Variants in PHF14 observed in about 807,000 individuals in gnomAD.
PHF14 encodes the protein PHD finger protein 14.
A neutral mutation model predicts 117.9 loss-of-function variants in PHF14; 55 were observed. The observed-to-expected ratio is 0.47, with a 90% CI of 0.38 to 0.58. The LOEUF is 0.58. Among genes scored for constraint, PHF14 ranks in the 20% least tolerant of loss-of-function variants. The pLI, the probability that PHF14 is intolerant of heterozygous loss-of-function variation, is 0.00. For missense variants in PHF14, 978 were observed against 1,122.2 expected, an observed-to-expected ratio of 0.87 and a Z score of 1.84; for synonymous variants, 409 against 368.6, an observed-to-expected ratio of 1.11 and a Z score of -1.26.
intron 7 of PHF14, among the ~76,000 whole-genome samples, chr7:11,032,222 A>G (rs779168267): frequency 6.6e-6 from 1 of 152,182 alleles, no homozygotes; most frequent in Non-Finnish European, 1.5e-5. Context: ...TAGAGCATAT[A>G]TGGCTGAGGT....
chr7:11,102,551 A>G (rs1787128540), intron 16 of PHF14: 2 of 1,610,056 alleles, frequency 1.2e-6, no homozygotes, highest in Non-Finnish European at 1.7e-6. Context: ...AACCTCTTTT[A>G]TAAGTGTGAT....
At chr7:10,977,873 T>A (rs1781920204) in intron 2 of PHF14, among the ~76,000 whole-genome samples, 3 of 152,200 alleles carry the variant, frequency 2.0e-5, no homozygotes, top group Admixed American at 2.0e-4. Context: ...ATTTGAGACT[T>A]GGGCATAGGG....
Position 11,061,992 on chromosome 7 carries a change from G to C in PHF14, c.2561G>C (p.Arg854Thr). The C allele has an allele frequency of 6.2e-7, 1 of 1,602,754 alleles. No homozygotes were observed. The highest frequency in any genetic ancestry group is 8.5e-7 in the Non-Finnish European group (1 of 1,173,846). Residue 854 changes from arginine to threonine, a missense_variant, in exon 16 of 18, where the codon AGA becomes ACA. Arg to Thr is a moderately conservative substitution (Grantham distance 71). Coordinates refer to ENST00000634607, the MANE Select transcript of PHF14 (RefSeq NM_001007157.2). Reference protein sequence around the residue: ...EERVPRERRQRQSVLQKKPKA... With the variant: ...EERVPRERRQTQSVLQKKPKA... Reference sequence around the variant, plus strand: ...AGAGTTCCTAGAGAGAGAAGACAAAGACAGTCTGTGTTGCAAAAGAAGCCC... The same window carrying C: ...AGAGTTCCTAGAGAGAGAAGACAAACACAGTCTGTGTTGCAAAAGAAGCCC...
At chr7:11,118,033 G>T (rs1787649134) in intron 17 of PHF14, among the ~76,000 whole-genome samples, 1 of 151,674 alleles carries the variant, frequency 6.6e-6, no homozygotes. Flanking sequence ...TACTCTTCTA[G>T]CGTTTGTGGG....
At chr7:11,149,080 C>T (rs1477991390) in intron 17 of PHF14, among the ~76,000 whole-genome samples, 2 of 151,680 alleles carry the variant, frequency 1.3e-5, no homozygotes, top group East Asian at 3.9e-4. Flanking sequence ...ATATGCCTTT[C>T]ACAGAGTCAA....
At chr7:11,029,628 T>A (rs1481003552) in intron 7 of PHF14, among the ~76,000 whole-genome samples, 1 of 152,132 alleles carries the variant, frequency 6.6e-6, no homozygotes, top group African/African-American at 2.4e-5. Context: ...TAAAATAAAT[T>A]AATGAATATT....
intron 16 of PHF14, among the ~76,000 whole-genome samples, chr7:11,092,494 T>C (rs1336003743): frequency 6.6e-6 from 1 of 152,154 alleles, no homozygotes; most frequent in Non-Finnish European, 1.5e-5. Flanking sequence ...TACAAAAATA[T>C]CACCTATAGA....
intron 17 of PHF14, among the ~76,000 whole-genome samples, chr7:11,153,262 C>A (rs1005549891): frequency 2.0e-5 from 3 of 151,960 alleles, no homozygotes; most frequent in Admixed American, 1.3e-4. Flanking sequence ...ATTTTAGATA[C>A]CCTTGGGTGA....
At chr7:11,031,945 G>A (rs1291033751) in intron 7 of PHF14, among the ~76,000 whole-genome samples, 1 of 152,048 alleles carries the variant, frequency 6.6e-6, no homozygotes, top group Non-Finnish European at 1.5e-5. Context: ...ACTCTGTTCT[G>A]TAGAAAATTA....
intron 17 of PHF14, among the ~76,000 whole-genome samples, chr7:11,161,975 A>G (rs1169451329): frequency 6.7e-6 from 1 of 149,496 alleles, no homozygotes; most frequent in African/African-American, 2.4e-5. Flanking sequence ...CGTCAGGGTT[A>G]TCAAACATAC....
At chr7:11,160,098 T>C (rs113449540) in intron 17 of PHF14, among the ~76,000 whole-genome samples, 5 of 152,260 alleles carry the variant, frequency 3.3e-5, no homozygotes, top group African/African-American at 9.6e-5. Flanking sequence ...CTCCAGTGTC[T>C]ATTATTGCCA....
chr7:11,025,219 G>C (rs920667171), intron 6 of PHF14, among the ~76,000 whole-genome samples: 24 of 152,188 alleles, frequency 1.6e-4, no homozygotes, highest in African/African-American at 9.7e-5. Flanking sequence ...AATTTGAACA[G>C]ATGAGAAGTT....
rs774597453 is a variant in PHF14, at chr7:10,983,111, G to A, written c.852G>A (p.Glu284=). The A allele has an allele frequency of 1.1e-5, 17 of 1,599,222 alleles. No individual in the cohort carries two copies. Among genetic ancestry groups the A allele is most frequent in the Non-Finnish European group, 1.4e-5 (16 of 1,179,580 alleles). ...TTAGCAGAAACAGTGCTGATGATGA[G>A]GAACTGACCAATGATAGCCTGACCC... ...KVLSRNSADD[E]ELTNDSLTLS... Residue 284 remains glutamate (E), a synonymous_variant, in exon 3 of 18, where the codon GAG becomes GAA. Transcript: ENST00000634607.
intron 17 of PHF14, among the ~76,000 whole-genome samples, chr7:11,132,200 C>A (rs1215941864): frequency 6.6e-6 from 1 of 151,658 alleles, no homozygotes; most frequent in African/African-American, 2.4e-5. Context: ...TATCTCTAGA[C>A]CTTTTTCATC....
intron 16 of PHF14, chr7:11,105,709 G>C: frequency 1.0e-6 from 1 of 984,646 alleles, no homozygotes; most frequent in South Asian, 4.7e-5. Context: ...CTCTATAAAA[G>C]TGGAAGCCTC....
At chr7:11,101,883 T>G (rs1006150941) in intron 16 of PHF14, among the ~76,000 whole-genome samples, 15 of 151,800 alleles carry the variant, frequency 9.9e-5, no homozygotes, top group African/African-American at 3.6e-4. Context: ...CTAAAATTTC[T>G]CCACTGAAAA....
chr7:11,086,024 C>T (rs2906561), intron 16 of PHF14, among the ~76,000 whole-genome samples: 77,693 of 151,824 alleles, frequency 0.51, 20,699 homozygotes, highest in East Asian at 0.85. Context: ...ATCTGTAAAC[C>T]GAGGATAATA....
rs572946478 is a variant in PHF14 at position 11,030,434 on chromosome 7, A to G, written c.1455+1616A>G. On this transcript the variant is annotated intron_variant, in intron 7 of 17. Transcript: ENST00000634607. ...AGTTTGGATTCCTTTGCACAGCATC[A>G]TATGTCATCATTTTTGGCAAGATGG... 7.2e-5 allele frequency among the ~76,000 whole-genome samples: 11 copies of G among 152,230 alleles called. No individual in the cohort carries two copies. In the South Asian group the frequency reaches 2.1e-3, roughly 29 times the overall value.
intron 17 of PHF14, among the ~76,000 whole-genome samples, chr7:11,140,295 A>G (rs1788364457): frequency 1.3e-5 from 2 of 152,114 alleles, no homozygotes; most frequent in Admixed American, 6.6e-5. Flanking sequence ...ACTATGTGCG[A>G]TATACCCTAT....
Sources: gnomAD v4.1 joint callset for allele counts (sites outside exome capture counted in the v4.1 genomes callset) on GRCh38, gnomAD v4.1.1 for gene constraint, MANE v1.5 for transcripts, NCBI Gene and HGNC (gene_info 2026-07-23, HGNC 2026-07-21) for gene names.